Variants in ACVR1C observed in about 807,000 individuals in gnomAD.
ACVR1C encodes the protein activin A receptor type 1C.
A neutral mutation model predicts 57.9 loss-of-function variants in ACVR1C; 23 were observed. The observed-to-expected ratio is 0.40, with a 90% CI of 0.29 to 0.56. ACVR1C has a LOEUF of 0.56. Ranked by LOEUF, ACVR1C falls within the 20% of genes least tolerant of loss-of-function variation. ACVR1C has a pLI of 0.50. For missense variants in ACVR1C, 480 were observed against 607.9 expected (o/e 0.79, Z 2.21); for synonymous variants, 214 against 215.3 (o/e 0.99, Z 0.05).
intron 3 of ACVR1C, among the ~76,000 whole-genome samples, chr2:157,554,201 G>GAGAAAGAA (rs70987797): frequency 0.067 from 2,784 of 41,380 alleles, 341 homozygotes; most frequent in Non-Finnish European, 0.076. Flanking sequence ...ATAAAGAAGA[G>GAGAAAGAA]AGAAAGAAAG....
chr2:157,613,430 G>C (rs919342950), intron 1 of ACVR1C, among the ~76,000 whole-genome samples: 6 of 151,398 alleles, frequency 4.0e-5, no homozygotes, highest in South Asian at 4.2e-4. Flanking sequence ...TTTTATTGTT[G>C]TATTGTTAAT....
At chr2:157,537,794 T>C (rs1687524696) in intron 8 of ACVR1C, among the ~76,000 whole-genome samples, 1 of 152,200 alleles carries the variant, frequency 6.6e-6, no homozygotes, top group East Asian at 1.9e-4. Context: ...CTTCTACTCT[T>C]TTTCCTTGTA....
chr2:157,579,951 G>A (rs1688747553), intron 2 of ACVR1C, among the ~76,000 whole-genome samples: 1 of 151,916 alleles, frequency 6.6e-6, no homozygotes. Context: ...TGACCATTTG[G>A]ATTTTCTCCT....
chr2:157,579,244 C>G (rs920259969), intron 2 of ACVR1C, among the ~76,000 whole-genome samples: 1 of 152,138 alleles, frequency 6.6e-6, no homozygotes, highest in Non-Finnish European at 1.5e-5. Context: ...CTTTTGGACT[C>G]GTATGTGAAA....
chr2:157,619,250 C>G (rs1393175737), intron 1 of ACVR1C, among the ~76,000 whole-genome samples: 2 of 150,328 alleles, frequency 1.3e-5, no homozygotes, highest in Non-Finnish European at 3.0e-5. Flanking sequence ...AAAAAAAAAG[C>G]TCTGAAAATT....
intron 5 of ACVR1C, 111 bp downstream of exon 5, chr2:157,544,334 C>G (rs970161988): frequency 9.0e-7 from 1 of 1,116,726 alleles, no homozygotes; most frequent in Admixed American, 3.1e-5. Context: ...TATAAGCCAC[C>G]GTGCCCAGCC....
At chr2:157,589,571 G>A (rs1689014943) in intron 1 of ACVR1C, among the ~76,000 whole-genome samples, 1 of 151,858 alleles carries the variant, frequency 6.6e-6, no homozygotes, top group Non-Finnish European at 1.5e-5. Flanking sequence ...CTCATAGATT[G>A]GAAGAATCAA....
intron 1 of ACVR1C, chr2:157,597,551 G>A: frequency 1.0e-6 from 1 of 985,436 alleles, no homozygotes; most frequent in South Asian, 4.7e-5. Flanking sequence ...CTGCCCGACG[G>A]CAGCGCAACC....
intron 4 of ACVR1C, among the ~76,000 whole-genome samples, chr2:157,546,879 C>G (rs1687768006): frequency 6.6e-6 from 1 of 151,732 alleles, no homozygotes; most frequent in Non-Finnish European, 1.5e-5. Context: ...AGGTTAGTTA[C>G]ATATGTAGAC....
chr2:157,538,098 C>T (rs1183810185), intron 8 of ACVR1C, among the ~76,000 whole-genome samples: 1 of 152,156 alleles, frequency 6.6e-6, no homozygotes, highest in Non-Finnish European at 1.5e-5. Flanking sequence ...CAGTGCCTAG[C>T]CCCCCTGCAG....
intron 2 of ACVR1C, among the ~76,000 whole-genome samples, chr2:157,583,873 C>T (rs1027985023): frequency 6.6e-6 from 1 of 152,022 alleles, no homozygotes; most frequent in Admixed American, 6.5e-5. Flanking sequence ...AAACTGAATG[C>T]AAAGATTGAA....
intron 8 of ACVR1C, among the ~76,000 whole-genome samples, chr2:157,536,457 T>C (rs1687489739): frequency 6.6e-6 from 1 of 152,190 alleles, no homozygotes; most frequent in African/African-American, 2.4e-5. Flanking sequence ...TGATTATTGC[T>C]GACTTCTCAA....
At chr2:157,549,829 C>CAAAAAAA (rs1173469291) in intron 4 of ACVR1C, among the ~76,000 whole-genome samples, 6 of 47,542 alleles carry the variant, frequency 1.3e-4, no homozygotes, top group East Asian at 4.0e-4. Flanking sequence ...ACTAAAAATA[C>CAAAAAAA]AAAAAAAAAA....
At position 157,538,617 on chromosome 2, in the gene ACVR1C, G is replaced by A; in HGVS notation, c.1312C>T (p.Gln438Ter). ...IEEMRKVVCDQKFRPSIPNQW... is the reference protein window; with the variant it reads ...IEEMRKVVCD ...TTTGGGATACTTGGTCGAAACTTCTGGTCACAAACAACCTTTCTCATTTCC... is the reference window on the plus strand; with the variant it reads ...TTTGGGATACTTGGTCGAAACTTCTAGTCACAAACAACCTTTCTCATTTCC... The change falls in exon 8 of 9, where the codon CAG becomes TAG. Residue 438 changes from glutamine to a stop codon, truncating the protein, a stop_gained. Coordinates refer to ENST00000243349, the MANE Select transcript of ACVR1C (RefSeq NM_145259.3). LOFTEE classifies it high-confidence loss of function. 6.3e-7 allele frequency: 1 copy of A among 1,582,778 alleles called. No homozygotes were observed. The highest frequency in any genetic ancestry group is 8.6e-7 in the Non-Finnish European group (1 of 1,164,916).
intron 1 of ACVR1C, among the ~76,000 whole-genome samples, chr2:157,602,673 A>G (rs1654322493): frequency 6.6e-6 from 1 of 152,204 alleles, no homozygotes; most frequent in Non-Finnish European, 1.5e-5. Flanking sequence ...CCTTTTTAGT[A>G]ATATTTATTT....
Position 157,541,109 on chromosome 2 carries a change from G to A in ACVR1C, c.1206C>T (p.Ala402=). ...YSVGLVYWEI[A]RRCSVGGIVE... is the part of the protein sequence containing the mutation. ...TTTTACCTCCGACTGAACACCTCCG[G>A]GCTATTTCCCAGTAAACCAGACCAA... Residue 402 remains alanine (A), a synonymous_variant, in exon 7 of 9, where the codon GCC becomes GCT. Transcript: ENST00000243349. 4 of 1,613,868 alleles carry A rather than the reference G, an allele frequency of 2.5e-6. No homozygotes were observed. Among genetic ancestry groups the A allele is most frequent in the Non-Finnish European group, 3.4e-6 (4 of 1,179,926 alleles).
intron 1 of ACVR1C, among the ~76,000 whole-genome samples, chr2:157,596,678 A>C (rs895899708): frequency 1.3e-5 from 2 of 152,214 alleles, no homozygotes; most frequent in Non-Finnish European, 2.9e-5. Flanking sequence ...TATATATGCA[A>C]TTTTGATATG....
chr2:157,595,957 T>C (rs900416362), intron 1 of ACVR1C, among the ~76,000 whole-genome samples: 1 of 152,228 alleles, frequency 6.6e-6, no homozygotes, highest in East Asian at 1.9e-4. Flanking sequence ...CAATCTGTAA[T>C]TCGCTTTTTA....
intron 2 of ACVR1C, among the ~76,000 whole-genome samples, chr2:157,586,402 A>G (rs1688922189): frequency 6.6e-6 from 1 of 152,160 alleles, no homozygotes; most frequent in African/African-American, 2.4e-5. Context: ...AAATATATGT[A>G]TCTCTGTTAT....
Sources: allele counts gnomAD v4.1 joint callset (sites outside exome capture counted in the v4.1 genomes callset), GRCh38; gene constraint gnomAD v4.1.1; transcripts MANE v1.5; gene names NCBI Gene and HGNC (gene_info 2026-07-23, HGNC 2026-07-21).